Variants in CSMD1 observed in about 807,000 individuals in gnomAD.
CSMD1 encodes the protein CUB and sushi domain-containing protein 1.
Under a neutral mutation model 417.5 loss-of-function variants are expected in CSMD1, and 213 were observed. The observed-to-expected ratio is 0.51, with a 90% CI of 0.46 to 0.57. The LOEUF is 0.57. Ranked by LOEUF, CSMD1 falls within the 20% of genes least tolerant of loss-of-function variation. CSMD1 has a pLI of 0.00. For missense variants in CSMD1, 6,923 were observed against 4,529.7 expected (o/e 1.53, Z -15.17); for synonymous variants, 2,862 against 1,736.8 (o/e 1.65, Z -16.11).
chr8:3,391,939 T>G (rs186967613), intron 17 of CSMD1, among the ~76,000 whole-genome samples: 1 of 152,244 alleles, frequency 6.6e-6, no homozygotes, highest in East Asian at 1.9e-4. Flanking sequence ...ATAAAGAGTT[T>G]GATATAAATC....
At chr8:4,193,039 T>A (rs1264682958) in intron 3 of CSMD1, among the ~76,000 whole-genome samples, 1 of 152,248 alleles carries the variant, frequency 6.6e-6, no homozygotes, top group Non-Finnish European at 1.5e-5. Flanking sequence ...ATATCTTAAG[T>A]TAATGTCATT....
At chr8:3,027,756 A>G (rs1343300918) in intron 51 of CSMD1, among the ~76,000 whole-genome samples, 1 of 152,242 alleles carries the variant, frequency 6.6e-6, no homozygotes, top group African/African-American at 2.4e-5. Flanking sequence ...AATACAGTTG[A>G]TAAAACCAGA....
Position 4,292,598 on chromosome 8 carries a change from G to C in CSMD1, c.415+127355C>G, listed in dbSNP as rs931109845. On this transcript the variant is annotated intron_variant, in intron 3 of 69. Coordinates refer to ENST00000635120, the MANE Select transcript of CSMD1 (RefSeq NM_033225.6). ...TGGAATTTATAACAACCCACTATAA[G>C]ATTAATACATGTAAACATGTTGATA... Among the ~76,000 whole-genome samples the C allele has an allele frequency of 2.6e-5, 4 of 152,182 alleles. 1 individual carries two copies. The highest frequency in any genetic ancestry group is 6.8e-3 in the Middle Eastern group (2 of 294).
intron 7 of CSMD1, among the ~76,000 whole-genome samples, chr8:3,621,615 C>A (rs1346012965): frequency 1.3e-5 from 2 of 151,790 alleles, no homozygotes; most frequent in Non-Finnish European, 2.9e-5. Flanking sequence ...TTTTTTGAGA[C>A]AGAATCTTGT....
intron 23 of CSMD1, among the ~76,000 whole-genome samples, chr8:3,326,996 G>T (rs1038093162): frequency 2.0e-5 from 3 of 151,348 alleles, no homozygotes; most frequent in African/African-American, 7.3e-5. Context: ...GGGCAATAGA[G>T]CAAGACCCTA....
At chr8:3,303,913 C>T (rs1052136593) in intron 25 of CSMD1, among the ~76,000 whole-genome samples, 2 of 150,548 alleles carry the variant, frequency 1.3e-5, no homozygotes, top group Non-Finnish European at 3.0e-5. Flanking sequence ...GACCCAAGTG[C>T]CCCATAATAA....
At chr8:4,129,049 G>A (rs1165327578) in intron 3 of CSMD1, among the ~76,000 whole-genome samples, 12 of 142,280 alleles carry the variant, frequency 8.4e-5, no homozygotes, top group East Asian at 2.1e-4. Flanking sequence ...GCACTCCAGC[G>A]TGGTTACAGA....
intron 2 of CSMD1, among the ~76,000 whole-genome samples, chr8:4,601,138 A>T (rs558863577): frequency 6.6e-6 from 1 of 152,176 alleles, no homozygotes; most frequent in Non-Finnish European, 1.5e-5. Flanking sequence ...TATTTTTAGT[A>T]GTGATAGGGT....
At chr8:4,575,495 C>G (rs973837917) in intron 2 of CSMD1, among the ~76,000 whole-genome samples, 1 of 152,114 alleles carries the variant, frequency 6.6e-6, no homozygotes, top group African/African-American at 2.4e-5. Flanking sequence ...AGGAATAATG[C>G]AGGTATCCTC....
intron 2 of CSMD1, among the ~76,000 whole-genome samples, chr8:4,429,861 T>C (rs1797772859): frequency 6.6e-6 from 1 of 152,056 alleles, no homozygotes; most frequent in Non-Finnish European, 1.5e-5. Context: ...TTCAGTTAAG[T>C]TCTATGAAAT....
chr8:3,841,400 T>G (rs964038390), intron 5 of CSMD1, among the ~76,000 whole-genome samples: 5 of 152,174 alleles, frequency 3.3e-5, no homozygotes. Context: ...TGTGTTTGAT[T>G]GCTTTTATGG....
chr8:3,935,579 A>G (rs2129699275), intron 5 of CSMD1, among the ~76,000 whole-genome samples: 1 of 152,216 alleles, frequency 6.6e-6, no homozygotes, highest in East Asian at 1.9e-4. Context: ...TGCTATGGTG[A>G]TCTGTCATCA....
At chr8:3,601,692 G>A (rs1042595927) in intron 8 of CSMD1, among the ~76,000 whole-genome samples, 1 of 152,174 alleles carries the variant, frequency 6.6e-6, no homozygotes, top group Non-Finnish European at 1.5e-5. Context: ...ATATGCAGAA[G>A]AGTTATCAAC....
Position 3,233,321 on chromosome 8 carries a change from C to G in CSMD1, c.4154-3090G>C, listed in dbSNP as rs547345716. ...GACTTTATAGGAAGAGTGACCTGAG[C>G]TGGCATGCTCAGCCCCTCGCCAGGC... On this transcript the variant is annotated intron_variant, in intron 26 of 69. Coordinates refer to ENST00000635120, the MANE Select transcript of CSMD1 (RefSeq NM_033225.6). 5.9e-5 allele frequency among the ~76,000 whole-genome samples: 9 copies of G among 152,292 alleles called. No homozygotes were observed. In the East Asian group the frequency reaches 1.4e-3, roughly 23 times the overall value.
chr8:3,208,791 G>A (rs192718772), intron 30 of CSMD1, among the ~76,000 whole-genome samples: 47 of 152,204 alleles, frequency 3.1e-4, no homozygotes, highest in African/African-American at 1.0e-3. Flanking sequence ...GACTGGCCTA[G>A]TCTCCCAGCC....
At chr8:4,182,825 A>G (rs995656363) in intron 3 of CSMD1, among the ~76,000 whole-genome samples, 7 of 152,234 alleles carry the variant, frequency 4.6e-5, no homozygotes, top group South Asian at 2.1e-4. Flanking sequence ...ATGCAATTAT[A>G]AGGGTCATTC....
chr8:4,036,902 T>G (rs1351978584), intron 3 of CSMD1, among the ~76,000 whole-genome samples: 2 of 152,090 alleles, frequency 1.3e-5, no homozygotes, highest in African/African-American at 4.8e-5. Flanking sequence ...ATGACCATGT[T>G]TGCATGTTAG....
intron 37 of CSMD1, among the ~76,000 whole-genome samples, chr8:3,163,913 C>T (rs1245138787): frequency 6.6e-6 from 1 of 152,158 alleles, no homozygotes; most frequent in Admixed American, 6.6e-5. Flanking sequence ...CAGAGTTGCA[C>T]AGGTCGGTGT....
chr8:3,567,911 C>A (rs1310267363), intron 10 of CSMD1, among the ~76,000 whole-genome samples: 1 of 152,252 alleles, frequency 6.6e-6, no homozygotes, highest in East Asian at 1.9e-4. Context: ...CACATCATCA[C>A]ACACATGTGT....
Sources: allele counts gnomAD v4.1 joint callset (sites outside exome capture counted in the v4.1 genomes callset), GRCh38; gene constraint gnomAD v4.1.1; transcripts MANE v1.5; gene names NCBI Gene and HGNC (gene_info 2026-07-23, HGNC 2026-07-21).